The following PTK2B variants were observed in gnomAD, a reference collection of about 807,000 sequenced individuals.
PTK2B encodes the protein protein tyrosine kinase 2 beta.
PTK2B carries 71 observed loss-of-function variants against 142.9 expected under a neutral mutation model. The ratio of observed to expected loss-of-function variants is 0.50; its 90% CI spans 0.41 to 0.61. The LOEUF (loss-of-function observed/expected upper bound fraction) is 0.61, where lower values mean the gene tolerates loss of function less well. PTK2B is among the 20% of genes least tolerant of loss of function. The pLI, the probability that PTK2B is intolerant of heterozygous loss-of-function variation, is 0.00. For missense variants in PTK2B, 1,105 were observed against 1,320.4 expected (o/e 0.84, Z 2.53); for synonymous variants, 519 against 503.4 (o/e 1.03, Z -0.42).
chr8:27,335,602 A>AC (rs1228848609), intron 1 of PTK2B, among the ~76,000 whole-genome samples: 2 of 151,700 alleles, frequency 1.3e-5, no homozygotes, highest in Non-Finnish European at 2.9e-5. Flanking sequence ...TCTCAAAAAA[A>AC]AAAAAAAAAA....
intron 1 of PTK2B, among the ~76,000 whole-genome samples, chr8:27,344,746 T>G (rs1425728206): frequency 6.6e-6 from 1 of 152,218 alleles, no homozygotes; most frequent in Non-Finnish European, 1.5e-5. Flanking sequence ...ACCTCTGTAC[T>G]GTTGCGTCTT....
chr8:27,458,395 C>G lies in PTK2B; in HGVS notation c.2916C>G (p.Cys972Trp). The stretch of plus-strand genomic sequence containing the variant: ...CCGTGACCTCCCTAAGTGAGGAGTG[C>G]AAGAGGCAGATGCTGACGGCTTCAC... ...QNAVTSLSEE[C>W]KRQMLTASHT... Residue 972 changes from cysteine to tryptophan, a missense_variant, in exon 31 of 31, where the codon TGC becomes TGG. Cys to Trp is a radical substitution (Grantham distance 215). Coordinates refer to ENST00000346049, the MANE Select transcript of PTK2B (RefSeq NM_173176.3). 6.2e-7 allele frequency: 1 copy of G among 1,613,420 alleles called. No homozygotes were observed. The highest frequency in any genetic ancestry group is 8.5e-7 in the Non-Finnish European group (1 of 1,179,690).
intron 1 of PTK2B, among the ~76,000 whole-genome samples, chr8:27,336,560 C>T (rs1042786183): frequency 1.3e-5 from 2 of 152,154 alleles, no homozygotes; most frequent in African/African-American, 2.4e-5. Context: ...AGCTTATTTT[C>T]ATATGTAAAC....
intron 7 of PTK2B, 102 bp from the exon 8 acceptor site, chr8:27,430,774 G>A: frequency 6.8e-7 from 1 of 1,468,394 alleles, no homozygotes; most frequent in South Asian, 1.3e-5. Flanking sequence ...AGGCCCTGGG[G>A]ATCATTTTCG....
intron 5 of PTK2B, among the ~76,000 whole-genome samples, chr8:27,423,499 GC>G (rs1303579683): frequency 1.3e-5 from 2 of 152,144 alleles, no homozygotes; most frequent in South Asian, 4.1e-4. Context: ...TTTTTGACCA[GC>G]CCCCCAGGTG....
rs749349956 is a variant in PTK2B at position 27,434,088 on chromosome 8, C to T, written c.1106-5C>T. 1.9e-6 allele frequency: 3 copies of T among 1,614,072 alleles called. No homozygotes were observed. Among genetic ancestry groups the T allele is most frequent in the Middle Eastern group, 1.6e-4 (1 of 6,062 alleles). On this transcript the variant is annotated splice_region_variant and splice_polypyrimidine_tract_variant and intron_variant, in intron 11 of 30. Coordinates refer to ENST00000346049, the MANE Select transcript of PTK2B (RefSeq NM_173176.3). Reference sequence around the variant, plus strand: ...CCAACCTCCTCCTTCCTCCTCTCTTCCTAGATGGTGAGAAGCGGAACAGCC... The same window carrying T: ...CCAACCTCCTCCTTCCTCCTCTCTTTCTAGATGGTGAGAAGCGGAACAGCC...
exon 1 of PTK2B, chr8:27,311,651 G>A: frequency 5.0e-6 from 1 of 200,966 alleles, no homozygotes; most frequent in Non-Finnish European, 9.9e-6. Flanking sequence ...CCCGCGGATG[G>A]GAGAAACCAG....
chr8:27,381,383 C>T (rs115534815), intron 1 of PTK2B, among the ~76,000 whole-genome samples: 2,977 of 152,302 alleles, frequency 0.02, 101 homozygotes, highest in African/African-American at 0.068. Flanking sequence ...ATTCTGTCTA[C>T]TTCTGTGAGC....
At chr8:27,448,057 TC>T (rs1811578954) in intron 24 of PTK2B, among the ~76,000 whole-genome samples, 1 of 152,140 alleles carries the variant, frequency 6.6e-6, no homozygotes, top group South Asian at 2.1e-4. Context: ...AAGTGGGAGT[TC>T]AGAGAGGAGG....
At chr8:27,411,188 G>T (rs935243890) in intron 2 of PTK2B, among the ~76,000 whole-genome samples, 1 of 152,172 alleles carries the variant, frequency 6.6e-6, no homozygotes, top group East Asian at 1.9e-4. Flanking sequence ...TGACTCAGTG[G>T]TAGCGGTCAG....
At chr8:27,328,308 T>G (rs1454901636) in intron 1 of PTK2B, among the ~76,000 whole-genome samples, 1 of 152,216 alleles carries the variant, frequency 6.6e-6, no homozygotes, top group African/African-American at 2.4e-5. Flanking sequence ...GATGAGTTCC[T>G]TATTAGAAAA....
intron 4 of PTK2B, among the ~76,000 whole-genome samples, chr8:27,421,883 A>G (rs1541845): frequency 8.5e-5 from 13 of 152,274 alleles, no homozygotes; most frequent in Admixed American, 8.5e-4. Context: ...TCTGTCTGAT[A>G]TTAGTTCCTT....
At chr8:27,318,092 G>T (rs934074189) in intron 3 of PTK2B, among the ~76,000 whole-genome samples, 4 of 152,158 alleles carry the variant, frequency 2.6e-5, no homozygotes, top group African/African-American at 9.7e-5. Flanking sequence ...GGCTAATAAA[G>T]TAATAGGAGT....
At chr8:27,362,511 G>A (rs1298366815) in intron 1 of PTK2B, among the ~76,000 whole-genome samples, 1 of 152,088 alleles carries the variant, frequency 6.6e-6, no homozygotes, top group East Asian at 1.9e-4. Flanking sequence ...AGATGACTGT[G>A]GGGAGCAGGG....
intron 1 of PTK2B, among the ~76,000 whole-genome samples, chr8:27,370,434 T>A (rs1806281456): frequency 6.6e-6 from 1 of 152,264 alleles, no homozygotes; most frequent in African/African-American, 2.4e-5. Context: ...CCAGTAAGTC[T>A]GACAGTGTGT....
intron 2 of PTK2B, among the ~76,000 whole-genome samples, chr8:27,416,104 G>C (rs1399605465): frequency 6.6e-6 from 1 of 152,120 alleles, no homozygotes; most frequent in Non-Finnish European, 1.5e-5. Context: ...AAAAATGCCA[G>C]TTCTCTCCAA....
At chr8:27,400,480 A>G (rs974900003) in intron 2 of PTK2B, among the ~76,000 whole-genome samples, 2 of 150,978 alleles carry the variant, frequency 1.3e-5, no homozygotes, top group Non-Finnish European at 2.9e-5. Context: ...CCAATGGGAG[A>G]TGGGTTAGGA....
At chr8:27,360,087 C>A (rs1209983842) in intron 1 of PTK2B, among the ~76,000 whole-genome samples, 1 of 152,214 alleles carries the variant, frequency 6.6e-6, no homozygotes, top group South Asian at 2.1e-4. Context: ...ATTCAGCATG[C>A]CATGCATATG....
At chr8:27,420,178 T>A in intron 3 of PTK2B, 105 bp downstream of exon 3, 1 of 1,352,210 alleles carries the variant, frequency 7.4e-7, no homozygotes, top group Non-Finnish European at 1.0e-6. Flanking sequence ...CAGAAACTTC[T>A]AGCAAACCTG....
Sources: allele counts gnomAD v4.1 joint callset (sites outside exome capture counted in the v4.1 genomes callset), GRCh38; gene constraint gnomAD v4.1.1; transcripts MANE v1.5; gene names NCBI Gene and HGNC (gene_info 2026-07-23, HGNC 2026-07-21).